PARD3B: variants seen among roughly 807,000 people sequenced by gnomAD.
The protein encoded by PARD3B is partitioning defective 3 homolog B.
In PARD3B, 103 loss-of-function variants were observed where a neutral mutation model predicts 130.2. That is an observed-to-expected ratio of 0.79 (90% CI 0.67 to 0.93). The LOEUF (loss-of-function observed/expected upper bound fraction) is 0.93, where lower values mean the gene tolerates loss of function less well. PARD3B is among the 40% of genes least tolerant of loss of function. PARD3B has a pLI of 0.00. For missense variants in PARD3B, 1,609 were observed against 1,499.2 expected, an observed-to-expected ratio of 1.07 and a Z score of -1.21; for synonymous variants, 583 against 553.2, an observed-to-expected ratio of 1.05 and a Z score of -0.76.
chr2:205,253,251 T>TAG lies in PARD3B; in HGVS notation c.2185+7433_2185+7434dup. 4.4e-6 allele frequency: 2 copies of TAG among 455,142 alleles called. No homozygotes were observed. Among genetic ancestry groups the TAG allele is most frequent in the Non-Finnish European group, 8.8e-6 (2 of 226,794 alleles). The allele number at this position is 455,142 out of a possible 1,614,324, so 28.2% of individuals were successfully genotyped here. On this transcript the variant is annotated intron_variant, in intron 16 of 22. Transcript: ENST00000406610. This position sits in a 1 kb window ranked among gnomAD's most constrained non-coding sequence, Gnocchi z 4.4. The stretch of plus-strand genomic sequence containing the variant: ...CTTCTTGATAACAAGAGTGAGAAGA[T>TAG]AGAGACAGGGTAGATAGACACTTAA...
At chr2:205,489,514 T>TGGC in intron 20 of PARD3B, among the ~76,000 whole-genome samples, 1 of 140,748 alleles carries the variant, frequency 7.1e-6, no homozygotes, top group South Asian at 2.3e-4. Context: ...TATATACGTA[T>TGGC]ATATATATAC....
At chr2:204,824,353 C>G (rs575218100) in intron 2 of PARD3B, among the ~76,000 whole-genome samples, 1 of 152,156 alleles carries the variant, frequency 6.6e-6, no homozygotes, top group African/African-American at 2.4e-5. Context: ...TACCAAAGAT[C>G]ACAGCTCAAA....
At position 205,244,074 on chromosome 2, in the gene PARD3B, C is replaced by CT. The variant is rs1175608778; in HGVS notation, c.2141-1703dup. On this transcript the variant is annotated intron_variant, in intron 15 of 22. Coordinates refer to ENST00000406610, the MANE Select transcript of PARD3B (RefSeq NM_001302769.2). The surrounding 1 kb of genome is among the most constrained non-coding windows in gnomAD (Gnocchi z 4.7). ...CCCAACTAGAAATAAAACAAAAAGT[C>CT]TAACAATATTTTTAAGCAGTTGGGA... Among the ~76,000 whole-genome samples the CT allele has an allele frequency of 1.9e-4, 29 of 152,184 alleles. No individual in the cohort carries two copies. The highest frequency in any genetic ancestry group is 6.7e-4 in the African/African-American group (28 of 41,512).
At position 204,623,937 on chromosome 2, in the gene PARD3B, A is replaced by G. The variant is rs1257266204; in HGVS notation, c.121-62244A>G. Among the ~76,000 whole-genome samples, 1 of 152,152 alleles carries G rather than the reference A, an allele frequency of 6.6e-6. No homozygotes were observed. The highest frequency in any genetic ancestry group is 1.5e-5 in the Non-Finnish European group (1 of 68,000). ...CTCTTGTAACTGGCTTATTTTGCAT[A>G]CCATAATGTCTACAGTTCTGTCCAT... On this transcript the variant is annotated intron_variant, in intron 1 of 22. Transcript: ENST00000406610. This position sits in a 1 kb window ranked among gnomAD's most constrained non-coding sequence, Gnocchi z 4.5.
At position 205,462,945 on chromosome 2, in the gene PARD3B, T is replaced by G. The variant is rs564674870; in HGVS notation, c.3044+22273T>G. Among the ~76,000 whole-genome samples the G allele has an allele frequency of 2.6e-5, 4 of 152,318 alleles. No homozygotes were observed. The East Asian group carries it at 7.7e-4, about 29-fold the overall frequency. On this transcript the variant is annotated intron_variant, in intron 20 of 22. Coordinates refer to ENST00000406610, the MANE Select transcript of PARD3B (RefSeq NM_001302769.2). The stretch of plus-strand genomic sequence containing the variant: ...TGTAATGAACCAACCTGAACAATTC[T>G]GTACCCAGTTTTTAGTTTGGATTGT...
chr2:204,843,059 C>T lies in PARD3B; in HGVS notation c.223-122093C>T, dbSNP rs112060902. On this transcript the variant is annotated intron_variant, in intron 2 of 22. Transcript: ENST00000406610. ...GGCCCTCCTGGCAGAGTTCCTGATT[C>T]AGTAGGTCTGAGCTGAGCCCCGAGG... Among the ~76,000 whole-genome samples the T allele has an allele frequency of 2.1e-3, 323 of 152,192 alleles. 2 individuals are homozygous for T. Among genetic ancestry groups the T allele is most frequent in the African/African-American group, 7.2e-3 (299 of 41,510 alleles).
chr2:204,740,733 G>A (rs112972428), intron 2 of PARD3B, among the ~76,000 whole-genome samples: 4,159 of 152,278 alleles, frequency 0.027, 74 homozygotes, highest in Middle Eastern at 0.071. Flanking sequence ...TGTATCTTGG[G>A]CTTCCTCAGA....
intron 1 of PARD3B, among the ~76,000 whole-genome samples, chr2:204,654,081 T>C (rs2035569521): frequency 6.6e-6 from 1 of 151,278 alleles, no homozygotes; most frequent in African/African-American, 2.5e-5. Flanking sequence ...TATTGTGTGG[T>C]CCTCTTTATC....
intron 2 of PARD3B, among the ~76,000 whole-genome samples, chr2:204,759,954 T>G (rs967077246): frequency 6.6e-6 from 1 of 152,078 alleles, no homozygotes; most frequent in Non-Finnish European, 1.5e-5. Flanking sequence ...CTATGAATGT[T>G]AGAATGATAG....
At chr2:205,488,398 A>C (rs541940554) in intron 20 of PARD3B, among the ~76,000 whole-genome samples, 6 of 152,248 alleles carry the variant, frequency 3.9e-5, no homozygotes, top group African/African-American at 1.4e-4. Context: ...CACTGATCTG[A>C]CAGGAGGCAG....
chr2:205,600,173 T>A (rs1293660899), intron 22 of PARD3B, among the ~76,000 whole-genome samples: 1 of 152,196 alleles, frequency 6.6e-6, no homozygotes, highest in African/African-American at 2.4e-5. Flanking sequence ...GACTGCAGCA[T>A]GAAAGTGGAC....
At chr2:205,320,456 C>T (rs571198348) in intron 18 of PARD3B, among the ~76,000 whole-genome samples, 4 of 152,256 alleles carry the variant, frequency 2.6e-5, no homozygotes, top group African/African-American at 9.6e-5. Flanking sequence ...AACTGTCTAT[C>T]ATGTTTTATT....
chr2:204,935,470 T>C (rs550848875), intron 2 of PARD3B, among the ~76,000 whole-genome samples: 24 of 148,928 alleles, frequency 1.6e-4, no homozygotes, highest in East Asian at 3.9e-4. Context: ...ACCCGGGAGG[T>C]GGAGCTTGCA....
chr2:204,817,466 T>C (rs941507826), intron 2 of PARD3B, among the ~76,000 whole-genome samples: 1 of 152,178 alleles, frequency 6.6e-6, no homozygotes, highest in African/African-American at 2.4e-5. Context: ...AATACCCTTC[T>C]GTGTACTCTG....
chr2:205,540,478 C>T (rs1193627514), intron 21 of PARD3B, among the ~76,000 whole-genome samples: 1 of 152,094 alleles, frequency 6.6e-6, no homozygotes, highest in Admixed American at 6.6e-5. Context: ...GGTATAAATT[C>T]ATATGGTTCA....
intron 6 of PARD3B, among the ~76,000 whole-genome samples, chr2:205,118,482 C>T (rs1438013195): frequency 6.6e-6 from 1 of 152,148 alleles, no homozygotes; most frequent in Non-Finnish European, 1.5e-5. Flanking sequence ...TCTTAAAATG[C>T]AAATTTTTAG....
rs920230687 is a variant in PARD3B, at chr2:204,943,069, G to C, written c.223-22083G>C. On this transcript the variant is annotated intron_variant, in intron 2 of 22. Coordinates refer to ENST00000406610, the MANE Select transcript of PARD3B (RefSeq NM_001302769.2). This position sits in a 1 kb window ranked among gnomAD's most constrained non-coding sequence, Gnocchi z 4.2. ...AGACAAGAAAGACTTTGTGTAAAAA[G>C]ACAAGAAAGACTTTGTGTAAATACA... 6.6e-6 allele frequency among the ~76,000 whole-genome samples: 1 copy of C among 151,892 alleles called. No homozygotes were observed. Among genetic ancestry groups the C allele is most frequent in the Non-Finnish European group, 1.5e-5 (1 of 67,972 alleles).
chr2:204,942,015 T>A (rs565996735), intron 2 of PARD3B, among the ~76,000 whole-genome samples: 1 of 152,326 alleles, frequency 6.6e-6, no homozygotes, highest in South Asian at 2.1e-4. Context: ...TGTTTAGATT[T>A]TTTAATGTTC....
At chr2:205,478,913 C>A (rs1424088532) in intron 20 of PARD3B, among the ~76,000 whole-genome samples, 1 of 152,138 alleles carries the variant, frequency 6.6e-6, no homozygotes, top group African/African-American at 2.4e-5. Flanking sequence ...ATAAGCCAAG[C>A]ACATTACTGC....
Sources: allele counts gnomAD v4.1 joint callset (sites outside exome capture counted in the v4.1 genomes callset), GRCh38; gene constraint gnomAD v4.1.1; non-coding constraint Gnocchi (gnomAD v3.1); transcripts MANE v1.5; gene names NCBI Gene and HGNC (gene_info 2026-07-23, HGNC 2026-07-21).